Variants in BNIP1 observed in about 807,000 individuals in gnomAD.
The protein encoded by BNIP1 is vesicle transport protein SEC20.
BNIP1 carries 25 observed loss-of-function variants against 28.5 expected under a neutral mutation model. That is an observed-to-expected ratio of 0.88 (90% confidence interval 0.64 to 1.23). BNIP1 has a LOEUF of 1.23. BNIP1 is among the 50% of genes most tolerant of loss of function. The pLI is 0.00. For synonymous variants in BNIP1, 118 were observed against 101.7 expected, an observed-to-expected ratio of 1.16 and a Z score of -0.96; for missense variants, 276 against 277.0, an observed-to-expected ratio of 1.00 and a Z score of 0.02.
intron 1 of BNIP1, among the ~76,000 whole-genome samples, chr5:173,145,611 G>A (rs994826434): frequency 2.6e-5 from 4 of 152,152 alleles, no homozygotes; most frequent in African/African-American, 9.7e-5. Context: ...CACCGTGTTA[G>A]CCAGGATGGT....
chr5:173,152,859 A>G (rs935854512), intron 2 of BNIP1, among the ~76,000 whole-genome samples: 1 of 152,202 alleles, frequency 6.6e-6, no homozygotes, highest in Non-Finnish European at 1.5e-5. Flanking sequence ...GTGCAAATTG[A>G]TACGTAAATC....
At chr5:173,145,792 G>GT (rs1368084042) in intron 1 of BNIP1, among the ~76,000 whole-genome samples, 1 of 152,180 alleles carries the variant, frequency 6.6e-6, no homozygotes, top group Non-Finnish European at 1.5e-5. Context: ...GTGGCAAAAA[G>GT]TGCAGGAAAA....
At chr5:173,163,181 A>G (rs988044339) in intron 5 of BNIP1, among the ~76,000 whole-genome samples, 2 of 152,164 alleles carry the variant, frequency 1.3e-5, no homozygotes, top group African/African-American at 4.8e-5. Context: ...TCACCTCCTT[A>G]AAGCTACAGC....
intron 1 of BNIP1, 130 bp downstream of exon 1, chr5:173,144,759 C>G (rs1759781918): frequency 1.1e-6 from 1 of 920,484 alleles, no homozygotes; most frequent in African/African-American, 1.7e-5. Context: ...GCCCCATGGT[C>G]GGCTACCCCC....
intron 2 of BNIP1, among the ~76,000 whole-genome samples, chr5:173,148,083 AATATATATATATATAT>A (rs70984952): frequency 0.023 from 899 of 39,942 alleles, 22 homozygotes; most frequent in South Asian, 0.026. Context: ...AAAAAAAAAA[AATATATATATATATAT>A]ATATATATAT....
intron 1 of BNIP1, among the ~76,000 whole-genome samples, chr5:173,146,598 T>C (rs900650049): frequency 6.6e-6 from 1 of 152,236 alleles, no homozygotes; most frequent in African/African-American, 2.4e-5. Context: ...TAATGTTTTG[T>C]TAAAATTTAG....
At chr5:173,158,355 A>G (rs1760264394) in intron 3 of BNIP1, among the ~76,000 whole-genome samples, 1 of 152,248 alleles carries the variant, frequency 6.6e-6, no homozygotes, top group Non-Finnish European at 1.5e-5. Context: ...TACACAGGCC[A>G]TAGCAGTACA....
At chr5:173,144,752 C>A in intron 1 of BNIP1, 123 bp downstream of exon 1, 1 of 985,480 alleles carries the variant, frequency 1.0e-6, no homozygotes, top group Non-Finnish European at 1.5e-6. Flanking sequence ...AGGCTCCGCC[C>A]CATGGTCGGC....
intron 5 of BNIP1, among the ~76,000 whole-genome samples, chr5:173,162,139 C>T (rs1342711301): frequency 6.6e-6 from 1 of 152,076 alleles, no homozygotes; most frequent in Non-Finnish European, 1.5e-5. Flanking sequence ...AACGCAACAG[C>T]AGCCACGTAT....
At chr5:173,149,853 A>AC (rs1206018114) in intron 2 of BNIP1, among the ~76,000 whole-genome samples, 1 of 151,862 alleles carries the variant, frequency 6.6e-6, no homozygotes, top group African/African-American at 2.4e-5. Context: ...TTAGGGATCC[A>AC]CCCCCATGAT....
chr5:173,160,725 G>A, intron 5 of BNIP1: 1 of 442,414 alleles, frequency 2.3e-6, no homozygotes, highest in South Asian at 1.6e-5. Context: ...GCAAGTTTGG[G>A]AATGGTTGCT....
chr5:173,148,060 G>C (rs1417292767), intron 2 of BNIP1, among the ~76,000 whole-genome samples: 1 of 10,382 alleles, frequency 9.6e-5, no homozygotes, highest in Non-Finnish European at 1.5e-4. Flanking sequence ...AAGACTCTGT[G>C]TCAAAAAAAA....
chr5:173,159,227 C>T (rs1346681855), intron 4 of BNIP1, among the ~76,000 whole-genome samples: 7 of 151,846 alleles, frequency 4.6e-5, no homozygotes, highest in African/African-American at 1.7e-4. Context: ...TTAGTAGAGA[C>T]GGGGTTTAAC....
At position 173,159,916 on chromosome 5, in the gene BNIP1, T is replaced by C. The variant is rs1409833831; in HGVS notation, c.372-17T>C. 6.2e-7 allele frequency: 1 copy of C among 1,610,836 alleles called. No individual in the cohort carries two copies. The highest frequency in any genetic ancestry group is 8.5e-7 in the Non-Finnish European group (1 of 1,177,540). On this transcript the variant is annotated splice_polypyrimidine_tract_variant and intron_variant, in intron 4 of 5. Coordinates refer to ENST00000351486, the MANE Select transcript of BNIP1 (RefSeq NM_001205.3). Reference sequence around the variant, plus strand: ...TTTGTTGACATTCCTCCCCTTTCTCTTCCTCTGAACTTTTAGGAAAACCAC... The same window carrying C: ...TTTGTTGACATTCCTCCCCTTTCTCCTCCTCTGAACTTTTAGGAAAACCAC...
At chr5:173,144,701 G>C in intron 1 of BNIP1, 72 bp downstream of exon 1, 2 of 1,516,892 alleles carry the variant, frequency 1.3e-6, no homozygotes, top group Non-Finnish European at 1.8e-6. Flanking sequence ...GAGCTTGGCA[G>C]TGTCACTCCC....
intron 2 of BNIP1, among the ~76,000 whole-genome samples, chr5:173,147,230 C>G (rs965669604): frequency 6.6e-6 from 1 of 151,556 alleles, no homozygotes; most frequent in Admixed American, 6.6e-5. Context: ...CACGGTGAAG[C>G]CCGTCTCTAC....
chr5:173,146,480 G>C (rs1759838815), intron 1 of BNIP1, among the ~76,000 whole-genome samples: 1 of 152,158 alleles, frequency 6.6e-6, no homozygotes. Flanking sequence ...TAAACATCCT[G>C]ATCTTCCAAG....
intron 3 of BNIP1, among the ~76,000 whole-genome samples, chr5:173,156,122 TG>T (rs1475375308): frequency 6.6e-6 from 1 of 151,822 alleles, no homozygotes; most frequent in Non-Finnish European, 1.5e-5. Flanking sequence ...GCTGTATGAG[TG>T]GTGGGCAGTG....
chr5:173,148,295 A>G (rs1759925122), intron 2 of BNIP1, among the ~76,000 whole-genome samples: 1 of 151,178 alleles, frequency 6.6e-6, no homozygotes, highest in Non-Finnish European at 1.5e-5. Context: ...TTCAGCTTCT[A>G]ATTGTTTCCA....
Sources: gnomAD v4.1 joint callset for allele counts (sites outside exome capture counted in the v4.1 genomes callset) on GRCh38, gnomAD v4.1.1 for gene constraint, MANE v1.5 for transcripts, NCBI Gene and HGNC (gene_info 2026-07-23, HGNC 2026-07-21) for gene names.